DOP1A: variants seen among roughly 807,000 people sequenced by gnomAD.
The protein encoded by DOP1A is protein DOP1A.
Under a neutral mutation model 267.6 loss-of-function variants are expected in DOP1A, and 90 were observed. That is an observed-to-expected ratio of 0.34 (90% CI 0.28 to 0.40). The LOEUF is 0.40. Among genes scored for constraint, DOP1A ranks in the 10% least tolerant of loss-of-function variants. The pLI is 1.00. For missense variants in DOP1A, 2,437 were observed against 2,900.4 expected (o/e 0.84, Z 3.67); for synonymous variants, 932 against 999.1 (o/e 0.93, Z 1.27).
intron 1 of DOP1A, among the ~76,000 whole-genome samples, chr6:83,072,811 A>AT (rs953501634): frequency 1.3e-5 from 2 of 152,164 alleles, no homozygotes; most frequent in African/African-American, 4.8e-5. Flanking sequence ...CATAGCTAGA[A>AT]TTTTTTTATA....
At chr6:83,124,616 C>A in intron 12 of DOP1A, 89 bp from the exon 13 acceptor site, 1 of 962,246 alleles carries the variant, frequency 1.0e-6, no homozygotes, top group Non-Finnish European at 1.6e-6. Context: ...CCAATATTGA[C>A]TTGGACTTCA....
In DOP1A at chr6:83,154,024, G is replaced by A; in HGVS notation, c.6370G>A (p.Asp2124Asn). ...TATGGATCCCAGTTTCTTTCAGATG[G>A]ATGCCTCTTGTGTTAATCAGTAAGT... ...LFMDPSFFQM[D>N]ASCVNHWRAI... The change falls in exon 32 of 39, where the codon GAT (aspartate) becomes AAT (asparagine). Residue 2124 changes from aspartate to asparagine, a missense_variant. Around this residue, in one of 9 missense-constraint regions of DOP1A, gnomAD observed 216 missense variants for 283.3 expected, o/e 0.76. Coordinates refer to ENST00000349129, the MANE Select transcript of DOP1A (RefSeq NM_015018.4). The A allele has an allele frequency of 6.2e-7, 1 of 1,613,980 alleles. No individual in the cohort carries two copies. Among genetic ancestry groups the A allele is most frequent in the South Asian group, 1.1e-5 (1 of 91,060 alleles).
intron 7 of DOP1A, among the ~76,000 whole-genome samples, chr6:83,114,523 T>C (rs1316967893): frequency 6.6e-6 from 1 of 152,216 alleles, no homozygotes; most frequent in East Asian, 1.9e-4. Context: ...AAAGTCTAAA[T>C]TATGTACTGT....
Position 83,109,092 on chromosome 6 carries a change from T to C in DOP1A, c.491+12T>C. 1.2e-6 allele frequency: 2 copies of C among 1,605,656 alleles called. No homozygotes were observed. Among genetic ancestry groups the C allele is most frequent in the Non-Finnish European group, 1.7e-6 (2 of 1,177,776 alleles). ...GAGTACTATGAGAGGTAAGATCATA[T>C]TTGGTGCAGTTATGTAATTGAAGTC... On this transcript the variant is annotated intron_variant, in intron 5 of 38. Coordinates refer to ENST00000349129, the MANE Select transcript of DOP1A (RefSeq NM_015018.4).
At chr6:83,134,893 A>C (rs1778636272) in intron 19 of DOP1A, among the ~76,000 whole-genome samples, 1 of 152,134 alleles carries the variant, frequency 6.6e-6, no homozygotes, top group African/African-American at 2.4e-5. Flanking sequence ...ATCTATGTTC[A>C]AGGTCAGCTC....
chr6:83,069,611 T>C (rs1400804169), intron 1 of DOP1A, among the ~76,000 whole-genome samples: 1 of 152,200 alleles, frequency 6.6e-6, no homozygotes, highest in African/African-American at 2.4e-5. Flanking sequence ...AACTCACTTG[T>C]ATAAAAAAAA....
intron 33 of DOP1A, among the ~76,000 whole-genome samples, chr6:83,155,083 T>G (rs754650183): frequency 6.6e-6 from 1 of 152,146 alleles, no homozygotes; most frequent in South Asian, 2.1e-4. Context: ...AAATAACAGC[T>G]AAATAGCTCA....
chr6:83,160,407 G>A (rs1783958284), intron 37 of DOP1A, among the ~76,000 whole-genome samples: 1 of 152,238 alleles, frequency 6.6e-6, no homozygotes, highest in South Asian at 2.1e-4. Context: ...GAAGTGTGGA[G>A]AGATTGGTAT....
At chr6:83,145,409 C>A in intron 24 of DOP1A, 115 bp from the exon 25 acceptor site, 1 of 950,892 alleles carries the variant, frequency 1.1e-6, no homozygotes, top group Non-Finnish European at 1.5e-6. Context: ...ATAGCAAGAC[C>A]TCATCTCCAT....
intron 1 of DOP1A, among the ~76,000 whole-genome samples, chr6:83,087,390 A>G (rs1769467238): frequency 6.6e-6 from 1 of 152,070 alleles, no homozygotes; most frequent in Non-Finnish European, 1.5e-5. Flanking sequence ...TTTTTCTCCA[A>G]TGTTTAGTTG....
chr6:83,125,985 A>G (rs1023947898), intron 15 of DOP1A, among the ~76,000 whole-genome samples: 2 of 152,044 alleles, frequency 1.3e-5, no homozygotes, highest in African/African-American at 4.8e-5. Context: ...TAAAGTAAAA[A>G]GCAGGTAAAG....
chr6:83,099,757 TACAC>T (rs1772226044), intron 3 of DOP1A, among the ~76,000 whole-genome samples: 1 of 147,308 alleles, frequency 6.8e-6, no homozygotes, highest in Non-Finnish European at 1.5e-5. Flanking sequence ...TATATACACA[TACAC>T]ATATATATAT....
In DOP1A at chr6:83,145,573, G is replaced by A. The variant is rs367662678; in HGVS notation, c.5591G>A (p.Arg1864His). 5.6e-6 allele frequency: 9 copies of A among 1,611,386 alleles called. No homozygotes were observed. The highest frequency in any genetic ancestry group is 2.7e-5 in the African/African-American group (2 of 74,662). ...EEQLLLVELVRSISVMRAETV... is the reference protein window; with the variant it reads ...EEQLLLVELVHSISVMRAETV... ...CAGCTTTTATTAGTGGAATTGGTTCGTTCAATCAGTGTCATGAGAGCAGAA... is the reference window on the plus strand; with the variant it reads ...CAGCTTTTATTAGTGGAATTGGTTCATTCAATCAGTGTCATGAGAGCAGAA... The change falls in exon 25 of 39, where the codon CGT (arginine) becomes CAT (histidine). Residue 1864 changes from arginine to histidine, a missense_variant. Physicochemically the swap from Arg to His is conservative, Grantham distance 29 (BLOSUM62 0). Transcript: ENST00000349129.
At position 83,152,157 on chromosome 6, in the gene DOP1A, A is replaced by G. The variant is rs559251514; in HGVS notation, c.6049+130A>G. 1.1e-4 allele frequency: 108 copies of G among 1,019,718 alleles called. 1 individual carries two copies. The South Asian group carries it at 1.7e-3, about 16-fold the overall frequency. 63.2% of individuals were successfully genotyped at this position (1,019,718 alleles called of 1,614,324 possible). The stretch of plus-strand genomic sequence containing the variant: ...CATGTCTAACAAGTAACTTTTTTTC[A>G]GTGGGAAAAATATATATATACATAT... On this transcript the variant is annotated intron_variant, in intron 29 of 38. Coordinates refer to ENST00000349129, the MANE Select transcript of DOP1A (RefSeq NM_015018.4).
rs1781044687 is a variant in DOP1A at position 83,148,871 on chromosome 6, AT to A, written c.5837+11del. The A allele has an allele frequency of 7.0e-7, 1 of 1,425,234 alleles. No individual in the cohort carries two copies. The highest frequency in any genetic ancestry group is 1.5e-5 in the African/African-American group (1 of 66,972). 88.3% of individuals were successfully genotyped at this position (1,425,234 alleles called of 1,614,324 possible). On this transcript the variant is annotated intron_variant, in intron 27 of 38. Transcript: ENST00000349129. ...GCAGTTTCTTATACTTGGGTAAGCA[AT>A]TTCACTTAATATTATTTCAAATAAA...
intron 18 of DOP1A, among the ~76,000 whole-genome samples, chr6:83,132,601 C>G (rs1237551817): frequency 6.6e-6 from 1 of 151,890 alleles, no homozygotes; most frequent in Non-Finnish European, 1.5e-5. Context: ...GTTATGGGAA[C>G]TGATGTTTAG....
At chr6:83,123,416 A>G (rs1215353357) in intron 12 of DOP1A, among the ~76,000 whole-genome samples, 1 of 151,964 alleles carries the variant, frequency 6.6e-6, no homozygotes, top group Non-Finnish European at 1.5e-5. Flanking sequence ...AAAGCCTTCT[A>G]CCCCTTAGCA....
chr6:83,110,422 C>T (rs1297772969), intron 6 of DOP1A, 108 bp downstream of exon 6: 6 of 1,118,086 alleles, frequency 5.4e-6, no homozygotes, highest in Admixed American at 2.8e-5. Context: ...CTATTTTCAT[C>T]GAGCTTACAT....
chr6:83,131,509 T>C (rs1257218835), intron 17 of DOP1A, among the ~76,000 whole-genome samples: 1 of 152,200 alleles, frequency 6.6e-6, no homozygotes, highest in East Asian at 1.9e-4. Flanking sequence ...TATTTTTCAC[T>C]CTGTAATATA....
Sources: allele counts gnomAD v4.1 joint callset (sites outside exome capture counted in the v4.1 genomes callset), GRCh38; gene constraint gnomAD v4.1.1; regional missense constraint gnomAD v4.1.1; transcripts MANE v1.5; gene names NCBI Gene and HGNC (gene_info 2026-07-23, HGNC 2026-07-21).